Variants in HERC4 observed in about 807,000 individuals in gnomAD.
The protein encoded by HERC4 is probable E3 ubiquitin-protein ligase HERC4.
In HERC4, 28 loss-of-function variants were observed where a neutral mutation model predicts 124.3. That is an observed-to-expected ratio of 0.23 (90% confidence interval 0.17 to 0.31). The LOEUF is 0.31. Among genes scored for constraint, HERC4 ranks in the 10% least tolerant of loss-of-function variants. HERC4 has a pLI of 1.00. For synonymous variants in HERC4, 407 were observed against 421.5 expected, an observed-to-expected ratio of 0.97 and a Z score of 0.42; for missense variants, 713 against 1,229.3, an observed-to-expected ratio of 0.58 and a Z score of 6.28.
chr10:67,959,116 A>G, intron 16 of HERC4: 1 of 1,598,260 alleles, frequency 6.3e-7, no homozygotes, highest in Non-Finnish European at 8.5e-7. Flanking sequence ...AACTTACCTC[A>G]GTTAATCCAT....
At chr10:67,986,720 T>G (rs7903659) in intron 15 of HERC4, among the ~76,000 whole-genome samples, 19,779 of 152,078 alleles carry the variant, frequency 0.13, 1,783 homozygotes, top group East Asian at 0.4. Context: ...TTTCAATCCT[T>G]ATAGATAATT....
chr10:68,015,420 A>T (rs2038203497), intron 8 of HERC4, among the ~76,000 whole-genome samples: 1 of 152,230 alleles, frequency 6.6e-6, no homozygotes, highest in African/African-American at 2.4e-5. Context: ...TTAGGTCACT[A>T]GGTTTTGGAG....
Position 68,033,448 on chromosome 10 carries a change from C to T in HERC4, c.685+517G>A, listed in dbSNP as rs2039311075. Among the ~76,000 whole-genome samples, 5 of 152,256 alleles carry T rather than the reference C, an allele frequency of 3.3e-5. No homozygotes were observed. In the South Asian group the frequency reaches 1.0e-3, roughly 32 times the overall value. On this transcript the variant is annotated intron_variant, in intron 6 of 24. Transcript: ENST00000373700. ...TTAGCTTTTGTAAGTCAAATACTGGCATTCAACTCAATGTAATCATGAAAA... is the reference window on the plus strand; with the variant it reads ...TTAGCTTTTGTAAGTCAAATACTGGTATTCAACTCAATGTAATCATGAAAA...
At chr10:67,995,366 GTTATC>G (rs1223116731) in intron 9 of HERC4, 55 of 251,284 alleles carry the variant, frequency 2.2e-4, no homozygotes, top group Middle Eastern at 1.2e-3. Flanking sequence ...CTATTATATA[GTTATC>G]TTATAACAGG....
At chr10:68,062,269 T>G (rs2041064617) in intron 3 of HERC4, among the ~76,000 whole-genome samples, 1 of 152,184 alleles carries the variant, frequency 6.6e-6, no homozygotes, top group Non-Finnish European at 1.5e-5. Context: ...TAAAAGAGAA[T>G]ATTTCTCTTC....
chr10:68,038,207 C>T, intron 4 of HERC4, 38 bp from the exon 5 acceptor site: 1 of 1,033,698 alleles, frequency 9.7e-7, no homozygotes, highest in Non-Finnish European at 1.4e-6. Flanking sequence ...CAGTTAATTC[C>T]ATTTAACAAA....
At chr10:68,044,135 A>T (rs114636243) in intron 4 of HERC4, among the ~76,000 whole-genome samples, 151 of 152,284 alleles carry the variant, frequency 9.9e-4, no homozygotes, top group African/African-American at 3.5e-3. Flanking sequence ...CCCACTAAAA[A>T]AATTTGTAAT....
At position 67,931,809 on chromosome 10, in the gene HERC4, G is replaced by T. The variant is rs180869449; in HGVS notation, c.2838+788C>A. On this transcript the variant is annotated intron_variant, in intron 23 of 24. Coordinates refer to ENST00000373700, the MANE Select transcript of HERC4 (RefSeq NM_015601.4). ...ACAGGCTCCTGCTCTGTCATCCAGG[G>T]TCAAGTGCAGTGGTATAATCATGGC... Among the ~76,000 whole-genome samples, 164 of 152,188 alleles carry T rather than the reference G, an allele frequency of 1.1e-3. No homozygotes were observed. In the East Asian group the frequency reaches 0.013, roughly 12 times the overall value.
intron 9 of HERC4, among the ~76,000 whole-genome samples, chr10:68,011,468 G>C (rs1317423295): frequency 1.3e-5 from 2 of 152,306 alleles, no homozygotes; most frequent in East Asian, 1.9e-4. Context: ...TGTTCCTACA[G>C]CAGCAGAATG....
intron 3 of HERC4, among the ~76,000 whole-genome samples, chr10:68,066,163 T>C (rs894306625): frequency 1.3e-5 from 2 of 152,216 alleles, no homozygotes; most frequent in Admixed American, 6.5e-5. Flanking sequence ...GCACTTGATA[T>C]ACTTTATAGC....
chr10:68,022,623 A>G (rs1464159800), intron 8 of HERC4, among the ~76,000 whole-genome samples: 1 of 152,118 alleles, frequency 6.6e-6, no homozygotes, highest in Non-Finnish European at 1.5e-5. Flanking sequence ...GCTTCATGAC[A>G]TTGGATTTGG....
intron 4 of HERC4, among the ~76,000 whole-genome samples, chr10:68,042,081 A>G (rs2039797476): frequency 6.6e-6 from 1 of 152,106 alleles, no homozygotes; most frequent in Non-Finnish European, 1.5e-5. Flanking sequence ...CAGTGGTGCA[A>G]TCTCGGCTCA....
intron 15 of HERC4, among the ~76,000 whole-genome samples, chr10:67,980,866 A>G (rs990503162): frequency 6.6e-6 from 1 of 152,220 alleles, no homozygotes; most frequent in African/African-American, 2.4e-5. Context: ...AGTATCTGCA[A>G]GCCCCATGGT....
At chr10:67,988,975 T>C (rs889016360) in intron 14 of HERC4, 140 bp from the exon 15 acceptor site, 4 of 635,074 alleles carry the variant, frequency 6.3e-6, no homozygotes, top group Non-Finnish European at 1.1e-5. Flanking sequence ...CACAATATCT[T>C]ATGTAACATT....
intron 15 of HERC4, among the ~76,000 whole-genome samples, chr10:67,987,878 T>A (rs2036349499): frequency 6.6e-6 from 1 of 151,978 alleles, no homozygotes; most frequent in Non-Finnish European, 1.5e-5. Flanking sequence ...GGCAAGAGGG[T>A]CTGAAAATGC....
intron 3 of HERC4, among the ~76,000 whole-genome samples, chr10:68,051,752 T>C (rs1248394407): frequency 6.7e-6 from 1 of 150,234 alleles, no homozygotes; most frequent in Non-Finnish European, 1.5e-5. Context: ...TGCAGTGGCG[T>C]GATCTCGGCT....
At chr10:67,946,644 C>T (rs769826464) in intron 19 of HERC4, among the ~76,000 whole-genome samples, 5 of 152,132 alleles carry the variant, frequency 3.3e-5, no homozygotes, top group African/African-American at 4.8e-5. Context: ...CGCAGTGGCT[C>T]ACACCTGTAA....
intron 16 of HERC4, chr10:67,958,999 A>G (rs543472418): frequency 3.0e-6 from 2 of 674,236 alleles, no homozygotes; most frequent in East Asian, 5.9e-5. Context: ...ATATATATCT[A>G]TTTATTTACA....
chr10:67,994,199 C>T (rs1397522964), intron 9 of HERC4: 6 of 152,064 alleles, frequency 3.9e-5, no homozygotes, highest in Admixed American at 3.9e-4. Context: ...TTAAATAAGC[C>T]AATTATTCAA....
Sources: allele counts gnomAD v4.1 joint callset (sites outside exome capture counted in the v4.1 genomes callset), GRCh38; gene constraint gnomAD v4.1.1; transcripts MANE v1.5; gene names NCBI Gene and HGNC (gene_info 2026-07-23, HGNC 2026-07-21).